Variants in TAF2 observed in about 807,000 individuals in gnomAD.
The protein encoded by TAF2 is TATA-box binding protein associated factor 2.
Under a neutral mutation model 138.5 loss-of-function variants are expected in TAF2, and 61 were observed. The observed-to-expected ratio is 0.44, with a 90% CI of 0.36 to 0.54. The LOEUF (loss-of-function observed/expected upper bound fraction) is 0.54. Among genes scored for constraint, TAF2 ranks in the 20% least tolerant of loss-of-function variants. The probability of loss-of-function intolerance (pLI) is 0.00; values close to 1 mark genes in which losing one functional copy is unlikely to be tolerated. For missense variants in TAF2, 1,090 were observed against 1,427.9 expected (o/e 0.76, Z 3.81); for synonymous variants, 475 against 469.9 (o/e 1.01, Z -0.14).
chr8:119,732,504 GGT>G (rs1373071693), intron 25 of TAF2, among the ~76,000 whole-genome samples: 1 of 152,058 alleles, frequency 6.6e-6, no homozygotes, highest in Non-Finnish European at 1.5e-5. Context: ...CGGTGTTATA[GGT>G]TAAGACCCAC....
At chr8:119,742,469 A>G in intron 25 of TAF2, 65 bp downstream of exon 25, 1 of 1,579,852 alleles carries the variant, frequency 6.3e-7, no homozygotes, top group Non-Finnish European at 8.6e-7. Context: ...TGATGAAGTA[A>G]CTCTATTACA....
At chr8:119,798,255 A>T (rs1009293355) in intron 6 of TAF2, among the ~76,000 whole-genome samples, 16 of 152,240 alleles carry the variant, frequency 1.1e-4, no homozygotes, top group African/African-American at 3.9e-4. Flanking sequence ...AATGTTAATC[A>T]TATTATCTGC....
chr8:119,808,249 C>T (rs970566082), intron 3 of TAF2, among the ~76,000 whole-genome samples: 10 of 152,194 alleles, frequency 6.6e-5, no homozygotes, highest in Admixed American at 2.6e-4. Context: ...ACATTCAGAG[C>T]ATCTTCACCA....
chr8:119,749,048 C>T lies in TAF2; in HGVS notation c.2879-2114G>A, dbSNP rs529234071. Among the ~76,000 whole-genome samples the T allele has an allele frequency of 3.9e-5, 6 of 152,226 alleles. No homozygotes were observed. In the East Asian group the frequency reaches 1.2e-3, roughly 29 times the overall value. On this transcript the variant is annotated intron_variant, in intron 22 of 25. Transcript: ENST00000378164. ...AAAAACCAGCCTGAACTTTTGTATG[C>T]TGTCGATGATCTCAAAATGAGTCAT...
chr8:119,808,368 C>T (rs1824809493), intron 3 of TAF2, among the ~76,000 whole-genome samples: 1 of 152,196 alleles, frequency 6.6e-6, no homozygotes, highest in Non-Finnish European at 1.5e-5. Flanking sequence ...TACCTTTAGG[C>T]TCCACTTCTA....
rs904948282 is a variant in TAF2, at chr8:119,801,706, G to A, written c.792+88C>T. On this transcript the variant is annotated intron_variant, in intron 6 of 25. Coordinates refer to ENST00000378164, the MANE Select transcript of TAF2 (RefSeq NM_003184.4). ...GCCTCCCAAAGTGCTGGGATTACAG[G>A]CATGAGCCACCGTGCCTTGCCAATA... 6 of 1,309,100 alleles carry A rather than the reference G, an allele frequency of 4.6e-6. No individual in the cohort carries two copies. The Admixed American group carries it at 5.2e-5, about 11-fold the overall frequency. 81.1% of individuals were successfully genotyped at this position (1,309,100 alleles called of 1,614,324 possible).
intron 17 of TAF2, 45 bp from the exon 18 acceptor site, chr8:119,778,174 T>C: frequency 1.7e-6 from 2 of 1,143,162 alleles, no homozygotes; most frequent in East Asian, 4.7e-5. Flanking sequence ...GAACCTAACT[T>C]TTTGTTACTA....
intron 8 of TAF2, 28 bp downstream of exon 8, chr8:119,796,962 C>A: frequency 1.4e-6 from 2 of 1,454,248 alleles, no homozygotes; most frequent in Non-Finnish European, 1.9e-6. Context: ...ATTCTCTTCT[C>A]AGTAGTATGA....
intron 18 of TAF2, among the ~76,000 whole-genome samples, chr8:119,765,088 T>C (rs1210763370): frequency 6.6e-6 from 1 of 152,200 alleles, no homozygotes; most frequent in Non-Finnish European, 1.5e-5. Context: ...TTATACAATG[T>C]AATAAGTTCT....
intron 14 of TAF2, among the ~76,000 whole-genome samples, chr8:119,786,044 C>A (rs1444863696): frequency 6.6e-6 from 1 of 152,182 alleles, no homozygotes; most frequent in East Asian, 1.9e-4. Context: ...AGTCAACAGA[C>A]ACTCTCATCT....
chr8:119,757,769 G>A (rs969459882), intron 21 of TAF2, among the ~76,000 whole-genome samples: 1 of 152,148 alleles, frequency 6.6e-6, no homozygotes, highest in African/African-American at 2.4e-5. Flanking sequence ...GGTGGCGCAT[G>A]CCTGTAATCC....
intron 2 of TAF2, among the ~76,000 whole-genome samples, chr8:119,825,656 A>G (rs1826047949): frequency 6.6e-6 from 1 of 152,104 alleles, no homozygotes; most frequent in Non-Finnish European, 1.5e-5. Flanking sequence ...TTGTCATGAT[A>G]GTCTCACGAG....
chr8:119,780,861 G>A (rs542260866), intron 17 of TAF2, among the ~76,000 whole-genome samples, 192 bp downstream of exon 17: 31 of 151,590 alleles, frequency 2.0e-4, no homozygotes, highest in Non-Finnish European at 3.1e-4. Flanking sequence ...CGTGAACCCG[G>A]GAGGCGGAGC....
chr8:119,775,138 A>G (rs1465826906), intron 18 of TAF2, among the ~76,000 whole-genome samples: 1 of 151,762 alleles, frequency 6.6e-6, no homozygotes, highest in South Asian at 2.1e-4. Flanking sequence ...AAAATTAGCC[A>G]GGTGTGGCAG....
intron 3 of TAF2, among the ~76,000 whole-genome samples, chr8:119,809,000 T>G (rs1409037476): frequency 6.6e-6 from 1 of 152,244 alleles, no homozygotes; most frequent in Non-Finnish European, 1.5e-5. Flanking sequence ...CCAGCTGCAT[T>G]AGCCCCTAAT....
At chr8:119,785,107 G>C (rs924448886) in intron 15 of TAF2, 94 bp downstream of exon 15, 11 of 941,826 alleles carry the variant, frequency 1.2e-5, no homozygotes, top group African/African-American at 3.3e-5. Flanking sequence ...CACTCATTTG[G>C]AGGACAGTTA....
chr8:119,830,324 T>G (rs1284252960), intron 2 of TAF2, among the ~76,000 whole-genome samples: 2 of 152,168 alleles, frequency 1.3e-5, no homozygotes, highest in African/African-American at 4.8e-5. Context: ...TTAGAAGATA[T>G]CTTACATATA....
intron 14 of TAF2, among the ~76,000 whole-genome samples, chr8:119,787,789 G>A (rs913663268): frequency 3.3e-5 from 5 of 152,136 alleles, no homozygotes; most frequent in African/African-American, 9.7e-5. Flanking sequence ...ATATGCACAC[G>A]TATGTTTATT....
chr8:119,830,120 G>T (rs994060705), intron 2 of TAF2, among the ~76,000 whole-genome samples: 9 of 151,648 alleles, frequency 5.9e-5, no homozygotes, highest in African/African-American at 1.9e-4. Context: ...GGATGGTTTC[G>T]ATCTCCTGAC....
Sources: gnomAD v4.1 joint callset for allele counts (sites outside exome capture counted in the v4.1 genomes callset) on GRCh38, gnomAD v4.1.1 for gene constraint, MANE v1.5 for transcripts, NCBI Gene and HGNC (gene_info 2026-07-23, HGNC 2026-07-21) for gene names.